Variants in MIB2 observed in about 807,000 individuals in gnomAD.
MIB2 encodes E3 ubiquitin-protein ligase MIB2.
A neutral mutation model predicts 96.6 loss-of-function variants in MIB2; 78 were observed. That is an observed-to-expected ratio of 0.81 (90% confidence interval 0.67 to 0.97). MIB2 has a LOEUF of 0.97. Among genes scored for constraint, MIB2 ranks in the 50% least tolerant of loss-of-function variants. MIB2 has a pLI of 0.00. For synonymous variants in MIB2, 820 were observed against 629.5 expected (o/e 1.30, Z -4.53); for missense variants, 1,543 against 1,424.0 (o/e 1.08, Z -1.35).
chr1:1,629,056 G>A (rs1288446073), intron 16 of MIB2, 77 bp from the exon 17 acceptor site: 1 of 1,337,052 alleles, frequency 7.5e-7, no homozygotes, highest in Non-Finnish European at 9.6e-7. Context: ...GGCTGCTGGG[G>A]CTGCCAGGTG....
At chr1:1,616,204 G>T in intron 1 of MIB2, 1 of 645,506 alleles carries the variant, frequency 1.5e-6, no homozygotes, top group Non-Finnish European at 1.9e-6. Flanking sequence ...GGGTGGGGGT[G>T]CCCGCCGTGC....
In MIB2 at chr1:1,627,725, G is replaced by C. The variant is rs74808013; in HGVS notation, c.1576G>C (p.Ala526Pro). 1 of 1,595,288 alleles carries C rather than the reference G, an allele frequency of 6.3e-7. No individual in the cohort carries two copies. Among genetic ancestry groups the C allele is most frequent in the African/African-American group, 1.3e-5 (1 of 74,818 alleles). Reference protein sequence around the residue: ...VLLSAGCRADAINSTQSTALH... With the variant: ...VLLSAGCRADPINSTQSTALH... ...CCTGAGTGCTGGGTGCCGGGCGGAC[G>C]CCATCAACAGCACCCAGAGCACAGC... The change falls in exon 13 of 20, where the codon GCC becomes CCC. Residue 526 changes from alanine to proline, a missense_variant. Coordinates refer to ENST00000355826, the MANE Select transcript of MIB2 (RefSeq NM_001170687.4).
chr1:1,623,563 G>A lies in MIB2; in HGVS notation c.111G>A (p.Val37=). The A allele has an allele frequency of 6.5e-7, 1 of 1,526,740 alleles. No homozygotes were observed. The highest frequency in any genetic ancestry group is 8.8e-7 in the Non-Finnish European group (1 of 1,138,230). The allele number at this position is 1,526,740 out of a possible 1,614,324, so 94.6% of individuals were successfully genotyped here. ...DGGEGGVGTV[V]ELGRHGSPST... ...GCGAGGGCGGCGTGGGCACGGTGGTGGAGCTTGGCCGCCACGGCAGCCCCT... is the reference window on the plus strand; with the variant it reads ...GCGAGGGCGGCGTGGGCACGGTGGTAGAGCTTGGCCGCCACGGCAGCCCCT... Residue 37 remains valine, a synonymous_variant, in exon 3 of 20, where the codon GTG becomes GTA. Coordinates refer to ENST00000355826, the MANE Select transcript of MIB2 (RefSeq NM_001170687.4).
At position 1,629,424 on chromosome 1, in the gene MIB2, G is replaced by GC; in HGVS notation, c.2422dup (p.Gln808ProfsTer24). 1 of 1,484,618 alleles carries GC rather than the reference G, an allele frequency of 6.7e-7. No individual in the cohort carries two copies. Among genetic ancestry groups the GC allele is most frequent in the Non-Finnish European group, 8.9e-7 (1 of 1,126,080 alleles). The allele number at this position is 1,484,618 out of a possible 1,614,324, so 92.0% of individuals were successfully genotyped here. On this transcript the variant is annotated frameshift_variant, in exon 18 of 20. Transcript: ENST00000355826. LOFTEE classifies it high-confidence loss of function. Reference sequence around the variant, plus strand: ...GCGGGGGCGCGGCCCCGGGCCCCAGGCAAACGCTCGGGACCCCCAACACCG... The same window carrying GC: ...GCGGGGGCGCGGCCCCGGGCCCCAGGCCAAACGCTCGGGACCCCCAACACCG...
rs760004927 is a variant in MIB2, at chr1:1,628,301, C to G, written c.1870C>G (p.Arg624Gly). 1.9e-6 allele frequency: 3 copies of G among 1,612,972 alleles called. No individual in the cohort carries two copies. The highest frequency in any genetic ancestry group is 2.5e-6 in the Non-Finnish European group (3 of 1,179,952). Reference protein sequence around the residue: ...LAVRKILARARQLVDAKKEDG... With the variant: ...LAVRKILARAGQLVDAKKEDG... ...TGTGAGAAAGATTCTGGCTCGGGCGCGGCAGCTGGTGGACGCCAAGAAGGA... is the reference window on the plus strand; with the variant it reads ...TGTGAGAAAGATTCTGGCTCGGGCGGGGCAGCTGGTGGACGCCAAGAAGGA... The change falls in exon 15 of 20, where the codon CGG (arginine) becomes GGG (glycine). Residue 624 changes from arginine (R) to glycine (G), a missense_variant. Transcript: ENST00000355826.
At position 1,630,600 on chromosome 1, in the gene MIB2, C is replaced by G. The variant is rs1000822115; in HGVS notation, c.*70C>G. ...CCTGTGTTTTATAAAAAGAAAGATT[C>G]TCGGACGTTGCCTCTGCTGTCTGCC... On this transcript the variant is annotated 3_prime_UTR_variant, in exon 20 of 20. Coordinates refer to ENST00000355826, the MANE Select transcript of MIB2 (RefSeq NM_001170687.4). The G allele has an allele frequency of 4.0e-5, 51 of 1,280,274 alleles. 1 individual carries two copies. The East Asian group carries it at 5.0e-4, about 13-fold the overall frequency. The allele number at this position is 1,280,274 out of a possible 1,614,324, so 79.3% of individuals were successfully genotyped here. A position where few individuals can be genotyped will look rare whatever the true frequency, so the allele number is the denominator to read the frequency against.
chr1:1,615,188 G>A, upstream of MIB2: 1 of 538,292 alleles, frequency 1.9e-6, no homozygotes, highest in Non-Finnish European at 3.1e-6. Flanking sequence ...AGGTCTGCGT[G>A]ACTCAAAACC....
chr1:1,625,070 G>A lies in MIB2; in HGVS notation c.606G>A (p.Thr202=), dbSNP rs377287301. 102 of 1,613,162 alleles carry A rather than the reference G, an allele frequency of 6.3e-5. No individual in the cohort carries two copies. Among genetic ancestry groups the A allele is most frequent in the Admixed American group, 1.2e-4 (7 of 60,006 alleles). Residue 202 remains threonine, a synonymous_variant, in exon 6 of 20, where the codon ACG becomes ACA. Coordinates refer to ENST00000355826, the MANE Select transcript of MIB2 (RefSeq NM_001170687.4). This position sits in a 1 kb window ranked among gnomAD's most constrained non-coding sequence, Gnocchi z 5.0. ...VETGRSVASV[T]WADGTTNVYR... is the part of the protein sequence containing the mutation. ...CAGGCCGGAGTGTGGCCAGCGTGAC[G>A]TGGGCTGATGGTACCACCAATGTGT...
In MIB2 at chr1:1,625,169, C is replaced by G. The variant is rs764474014; in HGVS notation, c.705C>G (p.Asp235Glu). ...CAGCGGGCGGCTTCTACTACAAGGA[C>G]CACCTCCCAAGGCTCGGTATGAGGC... ...GEAAGGFYYKDHLPRLGKPAE... is the reference protein window; with the variant it reads ...GEAAGGFYYKEHLPRLGKPAE... Residue 235 changes from aspartate to glutamate, a missense_variant, in exon 6 of 20, where the codon GAC becomes GAG. Asp to Glu is a conservative substitution (Grantham distance 45, BLOSUM62 2). Coordinates refer to ENST00000355826, the MANE Select transcript of MIB2 (RefSeq NM_001170687.4). This position sits in a 1 kb window ranked among gnomAD's most constrained non-coding sequence, Gnocchi z 5.0. 6.2e-7 allele frequency: 1 copy of G among 1,611,120 alleles called. No homozygotes were observed. The highest frequency in any genetic ancestry group is 1.3e-5 in the African/African-American group (1 of 74,898).
chr1:1,625,250 G>T lies in MIB2; in HGVS notation c.722-36G>T. 3.1e-6 allele frequency: 5 copies of T among 1,598,232 alleles called. No individual in the cohort carries two copies. Among genetic ancestry groups the T allele is most frequent in the Non-Finnish European group, 4.3e-6 (5 of 1,173,980 alleles). ...TTGGCTGAAGTCCCAGAGGGGAGGG[G>T]CCGCTGCCTGAGGCCTGGTCTGCCA... On this transcript the variant is annotated intron_variant, in intron 6 of 19. Coordinates refer to ENST00000355826, the MANE Select transcript of MIB2 (RefSeq NM_001170687.4). This position sits in a 1 kb window ranked among gnomAD's most constrained non-coding sequence, Gnocchi z 5.0.
At chr1:1,616,910 G>A (rs1361026182) in intron 2 of MIB2, 1 of 348,848 alleles carries the variant, frequency 2.9e-6, no homozygotes, top group Non-Finnish European at 5.3e-6. Context: ...TTCCACCCTG[G>A]CCTGTTGCCT....
At chr1:1,614,697 C>G (rs1486849200), upstream of MIB2, 1 of 152,300 alleles carries the variant, frequency 6.6e-6, no homozygotes. Context: ...CAGGGACCTT[C>G]TCCGGAAGTA....
rs1005341696 is a variant in MIB2 at position 1,628,198 on chromosome 1, C to G, written c.1841+19C>G. 2 of 1,612,372 alleles carry G rather than the reference C, an allele frequency of 1.2e-6. No individual in the cohort carries two copies. Among genetic ancestry groups the G allele is most frequent in the Non-Finnish European group, 1.7e-6 (2 of 1,179,470 alleles). ...ACGCGCTGTGAGTGTGGGGTGGGCA[C>G]ACAGCTGCAGCCGGCCTCTTGCTGT... On this transcript the variant is annotated intron_variant, in intron 14 of 19. Transcript: ENST00000355826.
At chr1:1,629,888 A>T (rs1012241505) in intron 19 of MIB2, among the ~76,000 whole-genome samples, 184 bp downstream of exon 19, 4 of 107,050 alleles carry the variant, frequency 3.7e-5, no homozygotes, top group African/African-American at 1.4e-4. Flanking sequence ...TCCAGATCAC[A>T]CCCGGCCCAC....
rs757006271 is a variant in MIB2, at chr1:1,627,710, G to A, written c.1561G>A (p.Gly521Arg). Reference sequence around the variant, plus strand: ...GGCCACCAGGGTGCTCCTGAGTGCTGGGTGCCGGGCGGACGCCATCAACAG... The same window carrying A: ...GGCCACCAGGGTGCTCCTGAGTGCTAGGTGCCGGGCGGACGCCATCAACAG... Reference protein sequence around the residue: ...PEATRVLLSAGCRADAINSTQ... With the variant: ...PEATRVLLSARCRADAINSTQ... Residue 521 changes from glycine (G) to arginine (R), a missense_variant, in exon 13 of 20, where the codon GGG becomes AGG. Gly to Arg is a moderately radical substitution (Grantham distance 125). Coordinates refer to ENST00000355826, the MANE Select transcript of MIB2 (RefSeq NM_001170687.4). 1.3e-6 allele frequency: 2 copies of A among 1,595,266 alleles called. No homozygotes were observed. The highest frequency in any genetic ancestry group is 2.2e-5 in the East Asian group (1 of 44,730).
Position 1,628,169 on chromosome 1 carries a change from G to T in MIB2, c.1831G>T (p.Gly611Cys). Residue 611 changes from glycine (G) to cysteine (C), a missense_variant, in exon 14 of 20, where the codon GGT becomes TGT. By Grantham distance (159) the Gly-to-Cys change is radical (BLOSUM62 -3). Transcript: ENST00000355826. ...FTLLHHASLK[G>C]HALAVRKILA... is the part of the protein sequence containing the mutation. ...CCTGCTGCACCATGCCTCCCTCAAGGGTCACGCGCTGTGAGTGTGGGGTGG... is the reference window on the plus strand; with the variant it reads ...CCTGCTGCACCATGCCTCCCTCAAGTGTCACGCGCTGTGAGTGTGGGGTGG... The T allele has an allele frequency of 6.2e-7, 1 of 1,613,302 alleles. No homozygotes were observed. The highest frequency in any genetic ancestry group is 2.2e-5 in the East Asian group (1 of 44,886).
chr1:1,616,444 A>G (rs2100289818), intron 1 of MIB2, 64 bp from the exon 2 acceptor site: 2 of 1,228,472 alleles, frequency 1.6e-6, no homozygotes, highest in South Asian at 3.0e-5. Flanking sequence ...CCGGGGGCAG[A>G]CAGGCGACCG....
rs1643675939 is a variant in MIB2 at position 1,616,359 on chromosome 1, G to T, written c.-129-149G>T. The T allele has an allele frequency of 2.6e-5, 16 of 606,266 alleles. No homozygotes were observed. The South Asian group carries it at 3.7e-4, about 14-fold the overall frequency. The allele number at this position is 606,266 out of a possible 1,614,324, so 37.6% of individuals were successfully genotyped here. ...GGCTCCTGCGCGCTCAGACCCCAGG[G>T]AGCCCATCCGGGCAGGCGGCGGCCC... is the stretch of plus-strand genomic sequence containing the variant. On this transcript the variant is annotated intron_variant, in intron 1 of 19. Transcript: ENST00000355826.
chr1:1,624,697 CA>C, intron 4 of MIB2, 97 bp from the exon 5 acceptor site: 1 of 1,156,436 alleles, frequency 8.6e-7, no homozygotes, highest in South Asian at 1.3e-5. Flanking sequence ...GCTGGGTGGA[CA>C]GGGGGCCTGC....
Sources: gnomAD v4.1 joint callset for allele counts (sites outside exome capture counted in the v4.1 genomes callset) on GRCh38, gnomAD v4.1.1 for gene constraint, Gnocchi (gnomAD v3.1) non-coding constraint, MANE v1.5 for transcripts, NCBI Gene and HGNC (gene_info 2026-07-23, HGNC 2026-07-21) for gene names.